The following ABCA13 variants were observed in gnomAD, a reference collection of about 807,000 sequenced individuals.
ABCA13 encodes ATP-binding cassette sub-family A member 13.
A neutral mutation model predicts 478.7 loss-of-function variants in ABCA13; 476 were observed. The ratio of observed to expected loss-of-function variants is 0.99; its 90% CI spans 0.92 to 1.07. ABCA13 has a LOEUF of 1.07. ABCA13 is among the 50% of genes least tolerant of loss of function. ABCA13 has a pLI of 0.00. For missense variants in ABCA13, 6,060 were observed against 5,910.6 expected (o/e 1.03, Z -0.83); for synonymous variants, 2,252 against 2,158.9 (o/e 1.04, Z -1.20).
At chr7:48,314,599 C>G (rs1802274707) in intron 26 of ABCA13, among the ~76,000 whole-genome samples, 190 bp downstream of exon 26, 2 of 152,140 alleles carry the variant, frequency 1.3e-5, no homozygotes, top group South Asian at 4.1e-4. Context: ...TGAGCACAGA[C>G]AAATCCTCTC....
intron 55 of ABCA13, among the ~76,000 whole-genome samples, chr7:48,556,804 C>G (rs1290187093): frequency 3.3e-5 from 5 of 151,732 alleles, no homozygotes; most frequent in Non-Finnish European, 5.9e-5. Flanking sequence ...AACTTACACT[C>G]AATATTATTG....
chr7:48,469,747 C>G (rs138969404), intron 44 of ABCA13, among the ~76,000 whole-genome samples: 1 of 151,962 alleles, frequency 6.6e-6, no homozygotes, highest in Non-Finnish European at 1.5e-5. Flanking sequence ...GGTGAAACCC[C>G]GTCTCTACTA....
chr7:48,473,134 C>T (rs1004502290), intron 45 of ABCA13, among the ~76,000 whole-genome samples: 3 of 152,104 alleles, frequency 2.0e-5, no homozygotes, highest in Non-Finnish European at 4.4e-5. Context: ...GGGGAACCAC[C>T]CCCGTGTTCA....
At chr7:48,350,358 CAACT>C (rs1311145637) in intron 29 of ABCA13, among the ~76,000 whole-genome samples, 3 of 151,936 alleles carry the variant, frequency 2.0e-5, no homozygotes, top group Non-Finnish European at 2.9e-5. Flanking sequence ...CTGTTGTCTC[CAACT>C]GTGTTTCCTT....
intron 55 of ABCA13, among the ~76,000 whole-genome samples, chr7:48,559,130 C>T (rs776317919): frequency 1.1e-4 from 16 of 152,192 alleles, no homozygotes; most frequent in Non-Finnish European, 2.1e-4. Context: ...TGAGTTCCCC[C>T]AGGCCCTGGC....
In ABCA13 at chr7:48,520,095, T is replaced by G. The variant is rs1465730346; in HGVS notation, c.13852T>G (p.Phe4618Val). The change falls in exon 53 of 62, where the codon TTC becomes GTC. Residue 4618 changes from phenylalanine (F) to valine (V), a missense_variant. By Grantham distance (50) the Phe-to-Val change is conservative. This residue lies in a region of ABCA13 where 1,627 missense variants were observed against 1,571.0 expected (regional missense o/e 1.04). Coordinates refer to ENST00000435803, the MANE Select transcript of ABCA13 (RefSeq NM_152701.5). ...GTGGGTCTTTACTATTTTTCCTCAA[T>G]TCTGTCTTGGTCAAGGACTGGTAGA... is the stretch of plus-strand genomic sequence containing the variant. ...LKWVFTIFPQ[F>V]CLGQGLVELC... 6.2e-7 allele frequency: 1 copy of G among 1,613,652 alleles called. No homozygotes were observed. The highest frequency in any genetic ancestry group is 1.1e-5 in the South Asian group (1 of 91,068).
chr7:48,532,924 A>T (rs1046466574), intron 55 of ABCA13, among the ~76,000 whole-genome samples: 3 of 152,006 alleles, frequency 2.0e-5, no homozygotes, highest in African/African-American at 7.2e-5. Context: ...CTAATGGTCT[A>T]TCAATTTGAT....
intron 38 of ABCA13, among the ~76,000 whole-genome samples, chr7:48,396,586 C>T (rs1242016585): frequency 1.3e-5 from 2 of 152,126 alleles, no homozygotes; most frequent in African/African-American, 4.8e-5. Context: ...ATGGTCTCTG[C>T]AAAGACAAAA....
intron 38 of ABCA13, among the ~76,000 whole-genome samples, chr7:48,395,215 G>A (rs1412285459): frequency 2.0e-5 from 3 of 152,142 alleles, no homozygotes; most frequent in Non-Finnish European, 4.4e-5. Flanking sequence ...GTCTAATGAT[G>A]GTTCACACAC....
chr7:48,299,663 CA>C (rs137919471), intron 23 of ABCA13, among the ~76,000 whole-genome samples: 15,140 of 152,196 alleles, frequency 0.099, 852 homozygotes, highest in South Asian at 0.18. Flanking sequence ...AGACCAGGGT[CA>C]GATTAGCTAA....
intron 29 of ABCA13, among the ~76,000 whole-genome samples, chr7:48,345,000 A>C (rs970533593): frequency 6.6e-6 from 1 of 152,196 alleles, no homozygotes; most frequent in Non-Finnish European, 1.5e-5. Flanking sequence ...GTTGTAGTTA[A>C]TGCCACATAA....
rs185934041 is a variant in ABCA13 at position 48,226,889 on chromosome 7, C to A, written c.469-373C>A. ...ATTTGAATTACTCTCTTTTCTTTAT[C>A]ATTTACATGTAAAGAATAGATCATT... On this transcript the variant is annotated intron_variant, in intron 5 of 61. Coordinates refer to ENST00000435803, the MANE Select transcript of ABCA13 (RefSeq NM_152701.5). Among the ~76,000 whole-genome samples, 1,095 of 152,240 alleles carry A rather than the reference C, an allele frequency of 7.2e-3. 5 individuals carry two copies. Among genetic ancestry groups the A allele is most frequent in the Middle Eastern group, 0.024 (7 of 294 alleles).
chr7:48,523,666 G>A (rs1004645756), intron 53 of ABCA13, among the ~76,000 whole-genome samples: 33 of 152,054 alleles, frequency 2.2e-4, no homozygotes, highest in African/African-American at 6.8e-4. Flanking sequence ...GTGTCAGATT[G>A]CAAATTAGAA....
At chr7:48,311,645 A>G (rs1801794740) in intron 24 of ABCA13, among the ~76,000 whole-genome samples, 1 of 152,222 alleles carries the variant, frequency 6.6e-6, no homozygotes, top group Admixed American at 6.5e-5. Context: ...GGTTGGATTC[A>G]GTCTCCCAGA....
At chr7:48,188,488 T>A (rs1033254612) in intron 1 of ABCA13, among the ~76,000 whole-genome samples, 1 of 152,246 alleles carries the variant, frequency 6.6e-6, no homozygotes, top group Non-Finnish European at 1.5e-5. Flanking sequence ...GACATTGTTA[T>A]GGCTTTAGAG....
At chr7:48,372,103 A>G (rs746970002) in intron 32 of ABCA13, 65 bp from the exon 33 acceptor site, 185 of 1,441,532 alleles carry the variant, frequency 1.3e-4, no homozygotes, top group East Asian at 2.3e-4. Flanking sequence ...TTCTCCTACC[A>G]TCTGATTTGT....
At chr7:48,463,446 T>C (rs4256548) in intron 43 of ABCA13, among the ~76,000 whole-genome samples, 28,558 of 152,134 alleles carry the variant, frequency 0.19, 3,106 homozygotes, top group African/African-American at 0.29. Context: ...TTCTTGACTA[T>C]TGGGGTCCAG....
chr7:48,546,536 CAATT>C, intron 55 of ABCA13, among the ~76,000 whole-genome samples: 1 of 151,354 alleles, frequency 6.6e-6, no homozygotes, highest in East Asian at 1.9e-4. Context: ...GATTATCAGA[CAATT>C]AAATAATAAA....
intron 59 of ABCA13, among the ~76,000 whole-genome samples, chr7:48,636,266 G>A (rs1052541106): frequency 6.6e-6 from 1 of 152,182 alleles, no homozygotes; most frequent in Non-Finnish European, 1.5e-5. Flanking sequence ...ACAAAGCAAG[G>A]AGTCAGCCGC....
Sources: allele counts gnomAD v4.1 joint callset (sites outside exome capture counted in the v4.1 genomes callset), GRCh38; gene constraint gnomAD v4.1.1; regional missense constraint gnomAD v4.1.1; transcripts MANE v1.5; gene names NCBI Gene and HGNC (gene_info 2026-07-23, HGNC 2026-07-21).